Variants in ADCK5 observed in about 807,000 individuals in gnomAD.
ADCK5 encodes the protein uncharacterized aarF domain-containing protein kinase 5.
Under a neutral mutation model 64.9 loss-of-function variants are expected in ADCK5, and 43 were observed. The observed-to-expected ratio is 0.66, with a 90% CI of 0.52 to 0.85. The LOEUF (loss-of-function observed/expected upper bound fraction) is 0.85. ADCK5 is among the 40% of genes least tolerant of loss of function. ADCK5 has a pLI of 0.00. For missense variants in ADCK5, 760 were observed against 810.5 expected (o/e 0.94, Z 0.76); for synonymous variants, 434 against 342.8 (o/e 1.27, Z -2.94).
In ADCK5 at chr8:144,391,450, C is replaced by G; in HGVS notation, c.774C>G (p.Ser258Arg). 1 of 1,612,154 alleles carries G rather than the reference C, an allele frequency of 6.2e-7. No homozygotes were observed. Among genetic ancestry groups the G allele is most frequent in the South Asian group, 1.1e-5 (1 of 90,980 alleles). Residue 258 changes from serine (S) to arginine (R), a missense_variant, in exon 7 of 15, where the codon AGC (serine) becomes AGG (arginine). Transcript: ENST00000308860. ...LLRLVEVMHP[S>R]FGFSWVLQDL... is the part of the protein sequence containing the mutation. ...GGCTCGTTGAGGTCATGCACCCCAG[C>G]TTTGGCTTCAGCTGGGTCCTCCAGG...
chr8:144,379,467 A>G lies in ADCK5; in HGVS notation c.93A>G (p.Arg31=). The G allele has an allele frequency of 6.2e-7, 1 of 1,607,218 alleles. No individual in the cohort carries two copies. Among genetic ancestry groups the G allele is most frequent in the Non-Finnish European group, 8.5e-7 (1 of 1,176,142 alleles). The change falls in exon 2 of 15, where the codon AGA becomes AGG. Residue 31 remains arginine (R), a synonymous_variant. Coordinates refer to ENST00000308860, the MANE Select transcript of ADCK5 (RefSeq NM_174922.5). ...CGTCCCCTGCTGTGTTCTTCAGGAGAAACGTCAGGGGCCTTCCTCCAAGGT... is the reference window on the plus strand; with the variant it reads ...CGTCCCCTGCTGTGTTCTTCAGGAGGAACGTCAGGGGCCTTCCTCCAAGGT... ...PWPSPAVFFR[R]NVRGLPPRFS... is the part of the protein sequence containing the mutation.
intron 2 of ADCK5, among the ~76,000 whole-genome samples, chr8:144,379,867 G>C (rs1819524034): frequency 6.6e-6 from 1 of 152,196 alleles, no homozygotes; most frequent in Non-Finnish European, 1.5e-5. Flanking sequence ...GGATGGGTCT[G>C]AGCAGAAGGA....
intron 2 of ADCK5, among the ~76,000 whole-genome samples, chr8:144,381,661 C>CTCAG (rs1819653552): frequency 6.7e-6 from 1 of 149,532 alleles, no homozygotes; most frequent in Non-Finnish European, 1.5e-5. Context: ...CAGATGTGTG[C>CTCAG]TCAGGCACCT....
At chr8:144,373,940 G>A (rs1554856593), upstream of ADCK5, 2 of 878,078 alleles carry the variant, frequency 2.3e-6, no homozygotes, top group East Asian at 3.5e-5. Flanking sequence ...CGCGGAGGCC[G>A]GCACGACTCG....
chr8:144,389,243 C>T (rs943455645), intron 3 of ADCK5: 2 of 456,444 alleles, frequency 4.4e-6, no homozygotes, highest in Admixed American at 4.7e-5. Context: ...CCTGCCTTAA[C>T]TGGGCTCTCT....
chr8:144,375,728 C>T, intron 1 of ADCK5: 1 of 871,818 alleles, frequency 1.1e-6, no homozygotes, highest in Non-Finnish European at 1.4e-6. Flanking sequence ...TCCGTTTGTG[C>T]AGACAGACTG....
At position 144,392,831 on chromosome 8, in the gene ADCK5, A is replaced by G; in HGVS notation, c.1576A>G (p.Thr526Ala). Residue 526 changes from threonine to alanine, a missense_variant, in exon 14 of 15, where the codon ACC becomes GCC. Thr to Ala is a moderately conservative substitution (Grantham distance 58, BLOSUM62 0). Around this residue, in one of 2 missense-constraint regions of ADCK5, gnomAD observed 333 missense variants for 292.0 expected, o/e 1.14. Transcript: ENST00000308860. The part of the protein sequence containing the change: ...AGATYRGVYG[T>A]SLLRHAKVVW... ...CGCCACGTATCGGGGTGTCTACGGC[A>G]CCAGCCTCCTGCGCCACGCCAAGGT... The G allele has an allele frequency of 1.3e-6, 2 of 1,592,776 alleles. No homozygotes were observed. The highest frequency in any genetic ancestry group is 4.5e-5 in the East Asian group (2 of 44,320).
intron 1 of ADCK5, 110 bp downstream of exon 1, chr8:144,374,217 T>A: frequency 9.3e-7 from 1 of 1,069,636 alleles, no homozygotes; most frequent in Non-Finnish European, 1.2e-6. Context: ...GCTTTTTCCC[T>A]CTTTTTTTTT....
At chr8:144,373,980 C>T, upstream of ADCK5, 1 of 1,163,978 alleles carries the variant, frequency 8.6e-7, no homozygotes, top group South Asian at 4.4e-5. Context: ...GCCCACCGCC[C>T]ACGGGGCGGG....
At chr8:144,389,781 C>T (rs1009165036) in intron 3 of ADCK5, among the ~76,000 whole-genome samples, 6 of 151,770 alleles carry the variant, frequency 4.0e-5, no homozygotes, top group Admixed American at 6.6e-5. Context: ...CTGCCCGCCT[C>T]GGCCTCCCAA....
In ADCK5 at chr8:144,391,184, C is replaced by T; in HGVS notation, c.594C>T (p.Phe198=). The T allele has an allele frequency of 1.2e-6, 2 of 1,612,410 alleles. No individual in the cohort carries two copies. Among genetic ancestry groups the T allele is most frequent in the Non-Finnish European group, 1.7e-6 (2 of 1,180,010 alleles). ...EDFQALPHEL[F]QEFDYQPIAA... is the part of the protein sequence containing the mutation. ...TCCAGGCCCTCCCCCACGAGCTCTT[C>T]CAGGAGTTTGACTACCAGCCAATTG... Residue 198 remains phenylalanine, a synonymous_variant, in exon 6 of 15, where the codon TTC becomes TTT. Transcript: ENST00000308860.
chr8:144,389,448 C>T (rs782095375), intron 3 of ADCK5: 41 of 433,556 alleles, frequency 9.5e-5, no homozygotes, highest in Non-Finnish European at 1.8e-4. Context: ...TGCCACCGTC[C>T]ATACTGTCCC....
intron 2 of ADCK5, among the ~76,000 whole-genome samples, chr8:144,382,689 G>A (rs1486859327): frequency 1.3e-5 from 2 of 152,236 alleles, no homozygotes; most frequent in African/African-American, 4.8e-5. Context: ...CTGTGCTGAT[G>A]ACCATCCAGT....
chr8:144,392,418 T>TAC, intron 12 of ADCK5, 27 bp from the exon 13 acceptor site: 1 of 799,264 alleles, frequency 1.3e-6, no homozygotes, highest in Non-Finnish European at 1.7e-6. Context: ...CAGAGCCCCC[T>TAC]CCCTCCCTCC....
chr8:144,375,287 G>C (rs1471116828), intron 1 of ADCK5, among the ~76,000 whole-genome samples: 5 of 152,200 alleles, frequency 3.3e-5, no homozygotes, highest in Admixed American at 3.3e-4. Flanking sequence ...GGCTGACAGG[G>C]TCACACACCC....
intron 1 of ADCK5, chr8:144,375,689 T>G (rs1819334259): frequency 2.0e-6 from 2 of 980,464 alleles, no homozygotes; most frequent in Non-Finnish European, 2.4e-6. Context: ...TCAGCTGTGG[T>G]CTAGAGTCAC....
chr8:144,376,393 G>T lies in ADCK5; in HGVS notation c.12+2286G>T, dbSNP rs1258481834. Among the ~76,000 whole-genome samples the T allele has an allele frequency of 2.6e-5, 4 of 152,234 alleles. No individual in the cohort carries two copies. Among genetic ancestry groups the T allele is most frequent in the African/African-American group, 9.6e-5 (4 of 41,458 alleles). Reference sequence around the variant, plus strand: ...GGCAGGATAGGACCACGGTGAACAAGGTGGAGCGGGACGTGAGCATGAGCA... The same window carrying T: ...GGCAGGATAGGACCACGGTGAACAATGTGGAGCGGGACGTGAGCATGAGCA... On this transcript the variant is annotated intron_variant, in intron 1 of 14. Coordinates refer to ENST00000308860, the MANE Select transcript of ADCK5 (RefSeq NM_174922.5). The surrounding 1 kb of genome is among the most constrained non-coding windows in gnomAD (Gnocchi z 5.1).
intron 3 of ADCK5, 41 bp from the exon 4 acceptor site, chr8:144,390,630 G>C: frequency 6.2e-7 from 1 of 1,602,872 alleles, no homozygotes. Flanking sequence ...CCGGGGCCCC[G>C]AGCCTGCCCC....
chr8:144,392,592 A>G lies in ADCK5; in HGVS notation c.1415A>G (p.Glu472Gly). 2 of 1,579,472 alleles carry G rather than the reference A, an allele frequency of 1.3e-6. No individual in the cohort carries two copies. Among genetic ancestry groups the G allele is most frequent in the East Asian group, 2.3e-5 (1 of 43,418 alleles). Residue 472 changes from glutamate to glycine, a missense_variant, in exon 13 of 15, where the codon GAG (glutamate) becomes GGG (glycine). Physicochemically the swap from Glu to Gly is moderately conservative, Grantham distance 98. Around this residue, in one of 2 missense-constraint regions of ADCK5, gnomAD observed 333 missense variants for 292.0 expected, o/e 1.14. Transcript: ENST00000308860. ...GAGGCCGTCATGGCGGTGCTCAGGG[A>G]GCTGCCGCGGCCCATGCTGCTGGTG... ...RFEAVMAVLR[E>G]LPRPMLLVLR... is the part of the protein sequence containing the mutation.
Sources: allele counts gnomAD v4.1 joint callset (sites outside exome capture counted in the v4.1 genomes callset), GRCh38; gene constraint gnomAD v4.1.1; regional missense constraint gnomAD v4.1.1; non-coding constraint Gnocchi (gnomAD v3.1); transcripts MANE v1.5; gene names NCBI Gene and HGNC (gene_info 2026-07-23, HGNC 2026-07-21).